The following ABLIM3 variants were observed in gnomAD, a reference collection of about 807,000 sequenced individuals.
ABLIM3 encodes the protein actin-binding LIM protein 3.
A neutral mutation model predicts 109.5 loss-of-function variants in ABLIM3; 61 were observed. The ratio of observed to expected loss-of-function variants is 0.56; its 90% confidence interval spans 0.45 to 0.69. The LOEUF (loss-of-function observed/expected upper bound fraction) is 0.69, where lower values mean the gene tolerates loss of function less well. ABLIM3 is among the 30% of genes least tolerant of loss of function. ABLIM3 has a pLI of 0.00. For missense variants in ABLIM3, 796 were observed against 889.5 expected (o/e 0.89, Z 1.34); for synonymous variants, 300 against 324.8 (o/e 0.92, Z 0.82).
chr5:149,143,495 C>T (rs1276968069), intron 2 of ABLIM3, among the ~76,000 whole-genome samples: 6 of 151,786 alleles, frequency 4.0e-5, no homozygotes, highest in Non-Finnish European at 8.8e-5. Flanking sequence ...CAGCCAAAAC[C>T]TACTATTTCC....
chr5:149,191,451 C>T lies in ABLIM3; in HGVS notation c.152-6768C>T, dbSNP rs77661123. ...TGAATTTGTAGTTAAAACTCTTCTACGAAAGAAACAAAAATCAGCATTGGA... is the reference window on the plus strand; with the variant it reads ...TGAATTTGTAGTTAAAACTCTTCTATGAAAGAAACAAAAATCAGCATTGGA... On this transcript the variant is annotated intron_variant, in intron 3 of 23. Transcript: ENST00000309868. 0.012 allele frequency among the ~76,000 whole-genome samples: 1,896 copies of T among 152,114 alleles called. 84 individuals carry two copies. The East Asian group carries it at 0.15, about 12-fold the overall frequency.
In ABLIM3 at chr5:149,247,957, G is replaced by C. The variant is rs757008959; in HGVS notation, c.1699+28G>C. ...AAGCATGGCTCTGGAAGCCCAACGG[G>C]GCGGGGACACCTTTCTCTGTGACTA... On this transcript the variant is annotated intron_variant, in intron 18 of 23. Coordinates refer to ENST00000309868, the MANE Select transcript of ABLIM3 (RefSeq NM_014945.5). The C allele has an allele frequency of 1.9e-6, 3 of 1,605,780 alleles. No individual in the cohort carries two copies. In the South Asian group the frequency reaches 3.3e-5, roughly 18 times the overall value.
chr5:149,240,529 G>T lies in ABLIM3; in HGVS notation c.1205-147G>T, dbSNP rs927045457. On this transcript the variant is annotated intron_variant, in intron 13 of 23. Transcript: ENST00000309868. ...GTGCATGAGAGCACATGCTGCTTCC[G>T]CCCCGGAACCTGAGCACGCTGAGAC... The T allele has an allele frequency of 1.8e-5, 12 of 654,928 alleles. No homozygotes were observed. The Admixed American group carries it at 2.9e-4, about 16-fold the overall frequency. 40.6% of individuals were successfully genotyped at this position (654,928 alleles called of 1,614,324 possible).
At chr5:149,202,477 A>G (rs776269585) in intron 5 of ABLIM3, among the ~76,000 whole-genome samples, 4 of 152,242 alleles carry the variant, frequency 2.6e-5, no homozygotes, top group Non-Finnish European at 5.9e-5. Flanking sequence ...GTCACTATTC[A>G]TGCTGCAAAT....
intron 3 of ABLIM3, among the ~76,000 whole-genome samples, chr5:149,192,983 C>T (rs1757637619): frequency 6.6e-6 from 1 of 151,850 alleles, no homozygotes; most frequent in African/African-American, 2.4e-5. Flanking sequence ...AAATACATTG[C>T]AAGGAGAAAA....
In ABLIM3 at chr5:149,258,663, C is replaced by G. The variant is rs1408401593; in HGVS notation, c.*259C>G. The G allele has an allele frequency of 8.8e-7, 1 of 1,138,402 alleles. No homozygotes were observed. The highest frequency in any genetic ancestry group is 1.6e-5 in the African/African-American group (1 of 61,702). The allele number at this position is 1,138,402 out of a possible 1,614,324, so 70.5% of individuals were successfully genotyped here. ...GGGGATCCTTTTTATACTGAAACAT[C>G]TGTCCTAACTTGAGTGCCCCAAGGT... is the stretch of plus-strand genomic sequence containing the variant. On this transcript the variant is annotated 3_prime_UTR_variant, in exon 24 of 24. Transcript: ENST00000309868.
intron 2 of ABLIM3, among the ~76,000 whole-genome samples, chr5:149,164,591 A>G (rs1418435093): frequency 6.6e-6 from 1 of 152,184 alleles, no homozygotes; most frequent in Non-Finnish European, 1.5e-5. Context: ...GTCATGTGTT[A>G]TAACAAGACA....
Position 149,142,005 on chromosome 5 carries a change from C to A in ABLIM3, c.-87-4C>A. ...TGGCACTGGACTGCCTTTTCACCCC[C>A]CAGGTGATGAGTGAGGTTCGAAGAA... On this transcript the variant is annotated splice_region_variant and splice_polypyrimidine_tract_variant and intron_variant, in intron 1 of 23. Coordinates refer to ENST00000309868, the MANE Select transcript of ABLIM3 (RefSeq NM_014945.5). The A allele has an allele frequency of 1.3e-6, 2 of 1,592,686 alleles. No individual in the cohort carries two copies. The highest frequency in any genetic ancestry group is 1.7e-6 in the Non-Finnish European group (2 of 1,160,574).
intron 3 of ABLIM3, among the ~76,000 whole-genome samples, chr5:149,191,202 G>A (rs1175279033): frequency 6.6e-6 from 1 of 152,038 alleles, no homozygotes; most frequent in Non-Finnish European, 1.5e-5. Context: ...TTCAAGTAAT[G>A]GGAGAAAATA....
At chr5:149,178,075 T>G (rs1756118730) in intron 2 of ABLIM3, among the ~76,000 whole-genome samples, 1 of 152,140 alleles carries the variant, frequency 6.6e-6, no homozygotes. Context: ...AACGATCCCA[T>G]GACTCTGTGG....
At chr5:149,192,249 A>G (rs1298978764) in intron 3 of ABLIM3, among the ~76,000 whole-genome samples, 1 of 152,096 alleles carries the variant, frequency 6.6e-6, no homozygotes, top group Non-Finnish European at 1.5e-5. Context: ...AGATTATATA[A>G]TTGTCTGCAT....
intron 11 of ABLIM3, among the ~76,000 whole-genome samples, chr5:149,238,681 G>A (rs1752481301): frequency 6.6e-6 from 1 of 152,238 alleles, no homozygotes; most frequent in Non-Finnish European, 1.5e-5. Context: ...AAATTAAGAT[G>A]CTGTGTAAAT....
In ABLIM3 at chr5:149,141,504, T is replaced by G. The variant is rs1321996446; in HGVS notation, c.-238T>G. ...CAGCGAGCGGCCGCGCCCCCTGCGC[T>G]GCCAACCCGCGAGCCCGCATCATGG... is the stretch of plus-strand genomic sequence containing the variant. On this transcript the variant is annotated 5_prime_UTR_variant, in exon 1 of 24. Coordinates refer to ENST00000309868, the MANE Select transcript of ABLIM3 (RefSeq NM_014945.5). 6.5e-6 allele frequency: 1 copy of G among 152,848 alleles called. No homozygotes were observed. The highest frequency in any genetic ancestry group is 1.5e-5 in the Non-Finnish European group (1 of 68,282). 9.5% of individuals were successfully genotyped at this position (152,848 alleles called of 1,614,324 possible). A position where few individuals can be genotyped will look rare whatever the true frequency, so the allele number is the denominator to read the frequency against.
Position 149,200,422 on chromosome 5 carries a change from C to T in ABLIM3, c.442C>T (p.Pro148Ser). 1 of 1,614,132 alleles carries T rather than the reference C, an allele frequency of 6.2e-7. No homozygotes were observed. The highest frequency in any genetic ancestry group is 8.5e-7 in the Non-Finnish European group (1 of 1,179,980). ...ASSKPIKIRG[P>S]SHCAGCKEEI... Reference sequence around the variant, plus strand: ...CAGTAAGCCCATCAAGATTCGTGGACCAAGCCGTGAGTCCTCCCCACGGGT... The same window carrying T: ...CAGTAAGCCCATCAAGATTCGTGGATCAAGCCGTGAGTCCTCCCCACGGGT... Residue 148 changes from proline (P) to serine (S), a missense_variant, in exon 5 of 24, where the codon CCA becomes TCA. By Grantham distance (74) the Pro-to-Ser change is moderately conservative. Coordinates refer to ENST00000309868, the MANE Select transcript of ABLIM3 (RefSeq NM_014945.5).
At chr5:149,210,050 G>A (rs943532986) in intron 6 of ABLIM3, among the ~76,000 whole-genome samples, 3 of 152,172 alleles carry the variant, frequency 2.0e-5, no homozygotes, top group Non-Finnish European at 2.9e-5. Context: ...TAAGCTCTCC[G>A]ATGCCCCCAA....
chr5:149,160,916 G>A (rs1374330118), intron 2 of ABLIM3, among the ~76,000 whole-genome samples: 2 of 152,206 alleles, frequency 1.3e-5, no homozygotes, highest in Admixed American at 6.5e-5. Flanking sequence ...GCCCAAGAGC[G>A]AGTAGAATGA....
chr5:149,181,762 A>G (rs1352057550), intron 2 of ABLIM3, among the ~76,000 whole-genome samples: 5 of 152,248 alleles, frequency 3.3e-5, no homozygotes, highest in Non-Finnish European at 4.4e-5. Context: ...TAATGTATGT[A>G]ACACTTAATT....
chr5:149,257,200 G>A, intron 23 of ABLIM3, among the ~76,000 whole-genome samples: 1 of 152,018 alleles, frequency 6.6e-6, no homozygotes, highest in Admixed American at 6.6e-5. Context: ...CAGCTACTTG[G>A]AAGGCTGAGG....
chr5:149,176,724 C>G (rs765524789), intron 2 of ABLIM3, among the ~76,000 whole-genome samples: 3 of 152,134 alleles, frequency 2.0e-5, no homozygotes, highest in Non-Finnish European at 4.4e-5. Flanking sequence ...TTTCAAGACC[C>G]TTCCTTATGC....
Sources: gnomAD v4.1 joint callset for allele counts (sites outside exome capture counted in the v4.1 genomes callset) on GRCh38, gnomAD v4.1.1 for gene constraint, MANE v1.5 for transcripts, NCBI Gene and HGNC (gene_info 2026-07-23, HGNC 2026-07-21) for gene names.